STAM: variants seen among roughly 807,000 people sequenced by gnomAD.
The protein encoded by STAM is signal transducing adapter molecule 1.
In STAM, 16 loss-of-function variants were observed where a neutral mutation model predicts 63.4. The ratio of observed to expected loss-of-function variants is 0.25; its 90% CI spans 0.17 to 0.38. The LOEUF (loss-of-function observed/expected upper bound fraction) is 0.38, where lower values mean the gene tolerates loss of function less well. Ranked by LOEUF, STAM falls within the 10% of genes least tolerant of loss-of-function variation. The pLI is 1.00. For missense variants in STAM, 636 were observed against 657.1 expected, an observed-to-expected ratio of 0.97 and a Z score of 0.35; for synonymous variants, 238 against 223.9, an observed-to-expected ratio of 1.06 and a Z score of -0.56.
intron 13 of STAM, among the ~76,000 whole-genome samples, chr10:17,710,163 C>T (rs782348312): frequency 2.0e-5 from 3 of 152,052 alleles, no homozygotes; most frequent in Non-Finnish European, 4.4e-5. Context: ...CACTTTTCCC[C>T]TGCTAGTCCT....
Position 17,714,567 on chromosome 10 carries a change from A to G in STAM, c.1410A>G (p.Gly470=), listed in dbSNP as rs1554830501. The change falls in exon 14 of 14, where the codon GGA becomes GGG. Residue 470 remains glycine (G), a synonymous_variant. Transcript: ENST00000377524. ...GTACAATGGTCAGTTCCGTTCAAGG[A>G]AACACATATCCCAGCCAGGCGCCAG... ...YPNTMVSSVQ[G]NTYPSQAPVY... 1 of 1,614,162 alleles carries G rather than the reference A, an allele frequency of 6.2e-7. No individual in the cohort carries two copies. The highest frequency in any genetic ancestry group is 1.7e-5 in the Admixed American group (1 of 60,020).
chr10:17,650,113 C>A (rs976871399), intron 1 of STAM, among the ~76,000 whole-genome samples: 1 of 152,204 alleles, frequency 6.6e-6, no homozygotes, highest in Non-Finnish European at 1.5e-5. Flanking sequence ...TTAGTCCAGT[C>A]AGCCTCATAA....
At chr10:17,648,925 T>C (rs975864762) in intron 1 of STAM, among the ~76,000 whole-genome samples, 4 of 152,190 alleles carry the variant, frequency 2.6e-5, no homozygotes, top group Non-Finnish European at 5.9e-5. Context: ...CTCACTCTCT[T>C]GAATTCCAGG....
At chr10:17,662,499 A>G (rs1212677475) in intron 2 of STAM, among the ~76,000 whole-genome samples, 1 of 152,150 alleles carries the variant, frequency 6.6e-6, no homozygotes, top group Non-Finnish European at 1.5e-5. Context: ...CATTTTAGTA[A>G]CTTATATCTA....
intron 1 of STAM, among the ~76,000 whole-genome samples, chr10:17,656,121 G>A (rs568047857): frequency 5.9e-5 from 9 of 151,708 alleles, no homozygotes; most frequent in East Asian, 1.9e-4. Context: ...AGTGAAACCC[G>A]TCTCTACTAA....
chr10:17,669,851 C>A (rs1834556694), intron 2 of STAM, among the ~76,000 whole-genome samples: 1 of 150,610 alleles, frequency 6.6e-6, no homozygotes, highest in South Asian at 2.1e-4. Flanking sequence ...GCACCCGCCC[C>A]TATGCCCTAT....
At chr10:17,647,438 C>T (rs1392604105) in intron 1 of STAM, among the ~76,000 whole-genome samples, 2 of 152,004 alleles carry the variant, frequency 1.3e-5, no homozygotes, top group Non-Finnish European at 2.9e-5. Context: ...TTTTGCTTCC[C>T]CTTTTTGCAA....
intron 13 of STAM, among the ~76,000 whole-genome samples, chr10:17,713,845 TCTCA>T (rs1836674446): frequency 6.6e-6 from 1 of 152,064 alleles, no homozygotes; most frequent in South Asian, 2.1e-4. Flanking sequence ...TGTCTTTCTG[TCTCA>T]CTCAGAGTGT....
chr10:17,706,259 C>G (rs60866529), intron 12 of STAM, among the ~76,000 whole-genome samples: 11,355 of 149,660 alleles, frequency 0.076, 451 homozygotes, highest in Middle Eastern at 0.13. Context: ...AAGGAAATAG[C>G]TTTTATACAG....
At chr10:17,689,039 C>G (rs1316495550) in intron 5 of STAM, among the ~76,000 whole-genome samples, 1 of 152,136 alleles carries the variant, frequency 6.6e-6, no homozygotes, top group Non-Finnish European at 1.5e-5. Context: ...CTTCCTTTCC[C>G]CAGTGGATAT....
intron 6 of STAM, among the ~76,000 whole-genome samples, chr10:17,693,570 T>C (rs782124076): frequency 8.5e-5 from 13 of 152,174 alleles, no homozygotes; most frequent in Admixed American, 6.5e-5. Context: ...AACAAATTTG[T>C]TTTTTGTAGA....
At chr10:17,652,989 C>T (rs1447736056) in intron 1 of STAM, among the ~76,000 whole-genome samples, 1 of 152,118 alleles carries the variant, frequency 6.6e-6, no homozygotes, top group Admixed American at 6.5e-5. Context: ...TTGGAATTTT[C>T]TGAGTGATAA....
chr10:17,660,880 G>T (rs1454817418), intron 2 of STAM, among the ~76,000 whole-genome samples: 2 of 152,204 alleles, frequency 1.3e-5, no homozygotes, highest in Admixed American at 1.3e-4. Context: ...CTTTTAACCA[G>T]TTAGGGTAAC....
chr10:17,692,339 G>T (rs11593224), intron 5 of STAM, among the ~76,000 whole-genome samples: 2 of 152,202 alleles, frequency 1.3e-5, no homozygotes, highest in Non-Finnish European at 2.9e-5. Context: ...TGATATTTTA[G>T]CTGATTACTG....
In STAM at chr10:17,708,788, C is replaced by T; in HGVS notation, c.1222C>T (p.Pro408Ser). Reference protein sequence around the residue: ...GVSGSQVYAGPPPSGAYLVAG... With the variant: ...GVSGSQVYAGSPPSGAYLVAG... ...TTAACCATCGCAGGTGTATGCAGGGCCTCCTCCAAGTGGTGCCTACCTGGT... is the reference window on the plus strand; with the variant it reads ...TTAACCATCGCAGGTGTATGCAGGGTCTCCTCCAAGTGGTGCCTACCTGGT... Residue 408 changes from proline (P) to serine (S), a missense_variant, in exon 13 of 14, where the codon CCT becomes TCT. By Grantham distance (74) the Pro-to-Ser change is moderately conservative. Transcript: ENST00000377524. 2 of 1,613,030 alleles carry T rather than the reference C, an allele frequency of 1.2e-6. No homozygotes were observed. Among genetic ancestry groups the T allele is most frequent in the Non-Finnish European group, 1.7e-6 (2 of 1,179,294 alleles).
At position 17,714,738 on chromosome 10, in the gene STAM, A is replaced by G. The variant is rs1447177989; in HGVS notation, c.1581A>G (p.Pro527=). Residue 527 remains proline, a synonymous_variant, in exon 14 of 14, where the codon CCA becomes CCG. Transcript: ENST00000377524. ...TLPQPGGSQQ[P]PQPQQPYSQK... is the part of the protein sequence containing the mutation. ...CTCAGCCCGGAGGCAGCCAACAGCC[A>G]CCTCAGCCACAGCAACCATATTCTC... 6.8e-6 allele frequency: 11 copies of G among 1,613,618 alleles called. No individual in the cohort carries two copies. Among genetic ancestry groups the G allele is most frequent in the Non-Finnish European group, 7.6e-6 (9 of 1,179,916 alleles).
At chr10:17,671,236 C>T (rs1280227570) in intron 2 of STAM, among the ~76,000 whole-genome samples, 1 of 152,144 alleles carries the variant, frequency 6.6e-6, no homozygotes, top group Non-Finnish European at 1.5e-5. Context: ...AATGGTAAAC[C>T]ACAGTAAAGC....
intron 4 of STAM, among the ~76,000 whole-genome samples, chr10:17,686,014 G>C (rs1371365577): frequency 6.6e-6 from 1 of 152,084 alleles, no homozygotes; most frequent in Non-Finnish European, 1.5e-5. Flanking sequence ...AATAGTTCCA[G>C]GTTACAGTAG....
chr10:17,704,654 A>C, intron 10 of STAM, 136 bp downstream of exon 10: 2 of 744,286 alleles, frequency 2.7e-6, no homozygotes, highest in Non-Finnish European at 4.4e-6. Flanking sequence ...GCTCACTCTC[A>C]TATGCAGTTG....
Sources: allele counts gnomAD v4.1 joint callset (sites outside exome capture counted in the v4.1 genomes callset), GRCh38; gene constraint gnomAD v4.1.1; transcripts MANE v1.5; gene names NCBI Gene and HGNC (gene_info 2026-07-23, HGNC 2026-07-21).